The following C4orf51 variants were observed in gnomAD, a reference collection of about 807,000 sequenced individuals.
C4orf51 encodes chromosome 4 open reading frame 51.
A neutral mutation model predicts 25.2 loss-of-function variants in C4orf51; 25 were observed. That is an observed-to-expected ratio of 0.99 (90% CI 0.72 to 1.39). The LOEUF is 1.39. Among genes scored for constraint, C4orf51 ranks in the 40% most tolerant of loss-of-function variants. C4orf51 has a pLI of 0.00. For missense variants in C4orf51, 252 were observed against 239.6 expected, an observed-to-expected ratio of 1.05 and a Z score of -0.34; for synonymous variants, 100 against 84.5, an observed-to-expected ratio of 1.18 and a Z score of -1.01.
chr4:145,738,564 G>C (rs960022883), intron 1 of C4orf51, among the ~76,000 whole-genome samples: 5 of 151,994 alleles, frequency 3.3e-5, no homozygotes, highest in Admixed American at 6.6e-5. Flanking sequence ...CTGTGGGACT[G>C]TTGTATCTGT....
rs928310356 is a variant in C4orf51 at position 145,761,738 on chromosome 4, G to A, written n.167-9250G>A. On this transcript the variant is annotated intron_variant and non_coding_transcript_variant, in intron 1 of 1. Coordinates refer to the C4orf51 transcript ENST00000510096. This position sits in a 1 kb window ranked among gnomAD's most constrained non-coding sequence, Gnocchi z 6.8. ...CTGCCCAGCCCAGCCCAGCCCTGCC[G>A]CCTCTCAGGGGTGGAACGGCCCTTT... 16 of 458,252 alleles carry A rather than the reference G, an allele frequency of 3.5e-5. No individual in the cohort carries two copies. Among genetic ancestry groups the A allele is most frequent in the Admixed American group, 7.5e-5 (2 of 26,546 alleles). 28.4% of individuals were successfully genotyped at this position (458,252 alleles called of 1,614,324 possible).
Position 145,731,564 on chromosome 4 carries a change from C to CTTTTTTTTTTT in C4orf51, c.502-866_502-856dup, listed in dbSNP as rs398051305. On this transcript the variant is annotated intron_variant, in intron 5 of 5. Transcript: ENST00000438731. ...TTTTTATTTATGAGACAAGGCAAATCTTTTTTTTTTTTTTTTTTTTTTTTT... is the reference window on the plus strand; with the variant it reads ...TTTTTATTTATGAGACAAGGCAAATCTTTTTTTTTTTTTTTTTTTTTTTTTTTTTTTTTTTT... Among the ~76,000 whole-genome samples, 28 of 43,876 alleles carry CTTTTTTTTTTT rather than the reference C, an allele frequency of 6.4e-4. 3 individuals carry two copies. Among genetic ancestry groups the CTTTTTTTTTTT allele is most frequent in the Non-Finnish European group, 6.8e-4 (18 of 26,418 alleles). 28.8% of individuals were successfully genotyped at this position (43,876 alleles called of 152,430 possible). A position where few individuals can be genotyped will look rare whatever the true frequency, so the allele number is the denominator to read the frequency against.
chr4:145,744,268 T>C (rs1478493111), intron 1 of C4orf51, among the ~76,000 whole-genome samples: 1 of 152,054 alleles, frequency 6.6e-6, no homozygotes, highest in Admixed American at 6.5e-5. Context: ...GATGGAAACT[T>C]TGGGCTCTGA....
At chr4:145,780,602 T>C in the C4orf51 span, among the ~76,000 whole-genome samples, 1 of 152,226 alleles carries the variant, frequency 6.6e-6, no homozygotes, top group African/African-American at 2.4e-5. Context: ...AATCCATGTT[T>C]CTTTTTGTGG....
At chr4:145,776,425 C>T in the C4orf51 span, among the ~76,000 whole-genome samples, 3 of 151,218 alleles carry the variant, frequency 2.0e-5, no homozygotes, top group Non-Finnish European at 2.9e-5. Flanking sequence ...CACATCACTG[C>T]ACTCCAGCCT....
intron 1 of C4orf51, among the ~76,000 whole-genome samples, chr4:145,740,281 TA>T (rs1331820692): frequency 1.5e-4 from 16 of 104,230 alleles, no homozygotes; most frequent in East Asian, 1.4e-3. Context: ...AGACAAAAAA[TA>T]AAAAAAAGTG....
chr4:145,754,747 C>T (rs1433733661), downstream of C4orf51, among the ~76,000 whole-genome samples: 1 of 152,124 alleles, frequency 6.6e-6, no homozygotes, highest in Admixed American at 6.5e-5. Flanking sequence ...CTGGCCTGGC[C>T]AACATGGTGA....
chr4:145,706,158 G>A (rs1304519512), intron 2 of C4orf51, among the ~76,000 whole-genome samples: 1 of 151,890 alleles, frequency 6.6e-6, no homozygotes, highest in Non-Finnish European at 1.5e-5. Flanking sequence ...TTTTCTCTCC[G>A]GTCCTCAGTT....
intron 1 of C4orf51, among the ~76,000 whole-genome samples, chr4:145,682,934 C>T (rs1434509532): frequency 6.6e-6 from 1 of 151,576 alleles, no homozygotes; most frequent in East Asian, 1.9e-4. Flanking sequence ...AAATTGGGAA[C>T]AAATAAAACT....
In C4orf51 at chr4:145,769,479, T is replaced by C. The variant is rs972733649; in HGVS notation, n.167-1509T>C. Among the ~76,000 whole-genome samples the C allele has an allele frequency of 1.6e-4, 24 of 152,194 alleles. 2 individuals are homozygous for C. The highest frequency in any genetic ancestry group is 1.5e-3 in the Admixed American group (23 of 15,284). ...TAATTTCAACTACCATCTCTAAACA[T>C]AGATTCAAGTACCCTTAGGCTTAAG... On this transcript the variant is annotated intron_variant and non_coding_transcript_variant, in intron 1 of 1. Transcript: ENST00000510096.
rs527261823 is a variant in C4orf51, at chr4:145,681,325, A to G, written c.233+889A>G. Among the ~76,000 whole-genome samples, 6 of 152,354 alleles carry G rather than the reference A, an allele frequency of 3.9e-5. No individual in the cohort carries two copies. In the East Asian group the frequency reaches 1.2e-3, roughly 29 times the overall value. ...AATAACCCACATAATACCCTGATAA[A>G]TATTAGTTATATTTCCATCCAGACC... is the stretch of plus-strand genomic sequence containing the variant. On this transcript the variant is annotated intron_variant, in intron 1 of 5. Transcript: ENST00000438731.
intron 1 of C4orf51, among the ~76,000 whole-genome samples, chr4:145,739,732 A>G (rs77866798): frequency 0.15 from 22,951 of 152,180 alleles, 1,791 homozygotes; most frequent in Admixed American, 0.18. Flanking sequence ...TATCCACACT[A>G]AAGTGTTTGA....
chr4:145,783,118 C>T, the C4orf51 span, among the ~76,000 whole-genome samples: 2 of 152,114 alleles, frequency 1.3e-5, no homozygotes. Flanking sequence ...CATAGTCCAA[C>T]GTGAAGCAGT....
the C4orf51 span, among the ~76,000 whole-genome samples, chr4:145,789,224 T>A: frequency 1.3e-5 from 2 of 152,170 alleles, no homozygotes; most frequent in Non-Finnish European, 2.9e-5. Context: ...TTACATTGCC[T>A]ATTTCTGAAT....
intron 2 of C4orf51, among the ~76,000 whole-genome samples, chr4:145,719,239 G>A (rs1271175969): frequency 2.0e-5 from 3 of 151,966 alleles, no homozygotes; most frequent in African/African-American, 7.3e-5. Context: ...TATAGGGGCA[G>A]GTCTTTGTTT....
chr4:145,750,137 A>G (rs1733593075), intron 1 of C4orf51, among the ~76,000 whole-genome samples: 1 of 152,146 alleles, frequency 6.6e-6, no homozygotes, highest in South Asian at 2.1e-4. Flanking sequence ...CTTTTAGTCT[A>G]TTTAATATGA....
chr4:145,740,240 C>CAAAAAA (rs60310006), intron 1 of C4orf51, among the ~76,000 whole-genome samples: 8 of 104,830 alleles, frequency 7.6e-5, no homozygotes, highest in African/African-American at 2.9e-4. Context: ...TCCCTTTCTG[C>CAAAAAA]AAAAAAAAAA....
chr4:145,685,808 T>C (rs1357001464), intron 1 of C4orf51, among the ~76,000 whole-genome samples: 1 of 152,014 alleles, frequency 6.6e-6, no homozygotes, highest in Non-Finnish European at 1.5e-5. Context: ...TCTCCTCCCT[T>C]ATGACAAGTG....
intron 1 of C4orf51, among the ~76,000 whole-genome samples, chr4:145,764,065 G>A (rs562315688): frequency 1.6e-4 from 25 of 152,270 alleles, no homozygotes; most frequent in African/African-American, 5.1e-4. Context: ...CAGGTTGTGC[G>A]TTTCAATGAC....
Sources: gnomAD v4.1 joint callset for allele counts (sites outside exome capture counted in the v4.1 genomes callset) on GRCh38, gnomAD v4.1.1 for gene constraint, Gnocchi (gnomAD v3.1) non-coding constraint, MANE v1.5 for transcripts, NCBI Gene and HGNC (gene_info 2026-07-23, HGNC 2026-07-21) for gene names.